The following ARHGAP15 variants were observed in gnomAD, a reference collection of about 807,000 sequenced individuals.
ARHGAP15 encodes rho GTPase-activating protein 15.
A neutral mutation model predicts 63.7 loss-of-function variants in ARHGAP15; 51 were observed. That is an observed-to-expected ratio of 0.80 (90% CI 0.64 to 1.01). The LOEUF (loss-of-function observed/expected upper bound fraction) is 1.01. ARHGAP15 is among the 50% of genes least tolerant of loss of function. The pLI is 0.00. For synonymous variants in ARHGAP15, 191 were observed against 193.8 expected, an observed-to-expected ratio of 0.99 and a Z score of 0.12; for missense variants, 560 against 564.6, an observed-to-expected ratio of 0.99 and a Z score of 0.08.
chr2:143,649,766 C>T (rs1287150043), intron 12 of ARHGAP15, among the ~76,000 whole-genome samples: 1 of 151,936 alleles, frequency 6.6e-6, no homozygotes, highest in East Asian at 1.9e-4. Flanking sequence ...ATTCTGCCTG[C>T]ATGCCAATAC....
At chr2:143,196,924 C>T (rs1443822152) in intron 2 of ARHGAP15, among the ~76,000 whole-genome samples, 1 of 151,836 alleles carries the variant, frequency 6.6e-6, no homozygotes, top group Middle Eastern at 3.2e-3. Context: ...AAAGTTGTAT[C>T]AAGCTACTGC....
At chr2:143,577,314 T>C (rs1172139901) in intron 11 of ARHGAP15, among the ~76,000 whole-genome samples, 1 of 152,144 alleles carries the variant, frequency 6.6e-6, no homozygotes, top group Non-Finnish European at 1.5e-5. Flanking sequence ...CTTTACATAT[T>C]TGATCTTTCA....
intron 11 of ARHGAP15, among the ~76,000 whole-genome samples, chr2:143,596,814 T>G (rs764996933): frequency 6.6e-6 from 1 of 152,146 alleles, no homozygotes; most frequent in Non-Finnish European, 1.5e-5. Flanking sequence ...CTGTTCATTA[T>G]GCAAAAAGTC....
In ARHGAP15 at chr2:143,228,686, T is replaced by C; in HGVS notation, c.384+18T>C. 6.7e-7 allele frequency: 1 copy of C among 1,490,166 alleles called. No individual in the cohort carries two copies. The highest frequency in any genetic ancestry group is 1.3e-5 in the South Asian group (1 of 74,114). 92.3% of individuals were successfully genotyped at this position (1,490,166 alleles called of 1,614,324 possible). A position where few individuals can be genotyped will look rare whatever the true frequency, so the allele number is the denominator to read the frequency against. On this transcript the variant is annotated intron_variant, in intron 5 of 13. Coordinates refer to ENST00000295095, the MANE Select transcript of ARHGAP15 (RefSeq NM_018460.4). ...CCAATATGGTAAGTAATTCTCTGTT[T>C]CTATTGTTAAATATCTTTTCAGAAA...
chr2:143,182,238 A>T (rs1691266559), intron 2 of ARHGAP15, among the ~76,000 whole-genome samples: 1 of 152,100 alleles, frequency 6.6e-6, no homozygotes, highest in East Asian at 1.9e-4. Flanking sequence ...GCTGGAATTA[A>T]GTGAGAGATA....
In ARHGAP15 at chr2:143,346,212, ACTCTCTCT is replaced by A. The variant is rs879897795; in HGVS notation, c.475-89387_475-89380del. Reference sequence around the variant, plus strand: ...CACACACTCTCTCTCTCACACACACACTCTCTCTCACACACACTCTCTCTCACACACAC... The same window carrying A: ...CACACACTCTCTCTCTCACACACACACACACACACTCTCTCTCACACACAC... On this transcript the variant is annotated intron_variant, in intron 6 of 13. Coordinates refer to ENST00000295095, the MANE Select transcript of ARHGAP15 (RefSeq NM_018460.4). Among the ~76,000 whole-genome samples the A allele has an allele frequency of 2.5e-3, 334 of 135,248 alleles. 3 individuals carry two copies. Among genetic ancestry groups the A allele is most frequent in the African/African-American group, 8.8e-3 (318 of 36,268 alleles). The allele number at this position is 135,248 out of a possible 152,430, so 88.7% of individuals were successfully genotyped here.
At chr2:143,241,742 A>G (rs994267589) in intron 5 of ARHGAP15, among the ~76,000 whole-genome samples, 1 of 152,216 alleles carries the variant, frequency 6.6e-6, no homozygotes, top group African/African-American at 2.4e-5. Flanking sequence ...GAGCAGCATC[A>G]GTGGTCTCAA....
intron 6 of ARHGAP15, among the ~76,000 whole-genome samples, chr2:143,251,268 T>C (rs1391793881): frequency 6.6e-6 from 1 of 152,060 alleles, no homozygotes; most frequent in East Asian, 1.9e-4. Context: ...TTTGTTCTAT[T>C]TTATATGAAA....
chr2:143,659,415 T>TA (rs948884547), intron 12 of ARHGAP15, among the ~76,000 whole-genome samples: 11 of 151,948 alleles, frequency 7.2e-5, no homozygotes, highest in African/African-American at 2.7e-4. Flanking sequence ...TAAATTTTTT[T>TA]AAAAAAAATT....
At chr2:143,415,222 T>C (rs942169689) in intron 6 of ARHGAP15, among the ~76,000 whole-genome samples, 2 of 151,948 alleles carry the variant, frequency 1.3e-5, no homozygotes, top group African/African-American at 2.4e-5. Context: ...GAAAAAAAAT[T>C]GATAAAATTG....
chr2:143,625,874 G>T (rs753169912), intron 12 of ARHGAP15, among the ~76,000 whole-genome samples: 1 of 152,108 alleles, frequency 6.6e-6, no homozygotes, highest in East Asian at 1.9e-4. Context: ...AATATACTTC[G>T]GTATGTGCTA....
intron 6 of ARHGAP15, among the ~76,000 whole-genome samples, chr2:143,274,316 A>G (rs568834219): frequency 5.9e-5 from 9 of 152,342 alleles, no homozygotes; most frequent in Admixed American, 6.5e-5. Flanking sequence ...CCACAGAGAA[A>G]AAAAAAATCC....
At chr2:143,142,883 A>G (rs1689428331) in intron 1 of ARHGAP15, among the ~76,000 whole-genome samples, 1 of 152,146 alleles carries the variant, frequency 6.6e-6, no homozygotes, top group Admixed American at 6.6e-5. Flanking sequence ...ATATAAGTAA[A>G]TAAAACAAGA....
chr2:143,435,793 A>G, intron 7 of ARHGAP15, 94 bp downstream of exon 7: 1 of 1,261,346 alleles, frequency 7.9e-7, no homozygotes, highest in South Asian at 1.5e-5. Flanking sequence ...TCATTTAAAT[A>G]GATCCTATGG....
intron 11 of ARHGAP15, among the ~76,000 whole-genome samples, chr2:143,571,020 T>C (rs1696428911): frequency 6.6e-6 from 1 of 152,136 alleles, no homozygotes; most frequent in African/African-American, 2.4e-5. Flanking sequence ...CCACCTCTTG[T>C]CAGATTAGCA....
intron 6 of ARHGAP15, among the ~76,000 whole-genome samples, chr2:143,387,185 A>G (rs1687323177): frequency 6.6e-6 from 1 of 152,188 alleles, no homozygotes; most frequent in East Asian, 1.9e-4. Flanking sequence ...TCCTAGGGAA[A>G]AAAGATGAAA....
At position 143,268,274 on chromosome 2, in the gene ARHGAP15, C is replaced by T. The variant is rs143309451; in HGVS notation, c.474+17674C>T. On this transcript the variant is annotated intron_variant, in intron 6 of 13. Coordinates refer to ENST00000295095, the MANE Select transcript of ARHGAP15 (RefSeq NM_018460.4). ...AACAACAAACAAAAAGGCCCTCAAA[C>T]AACAGTCCCAGTAAACCAAGTTGCA... Among the ~76,000 whole-genome samples, 7 of 151,010 alleles carry T rather than the reference C, an allele frequency of 4.6e-5. No individual in the cohort carries two copies. The East Asian group carries it at 1.4e-3, about 30-fold the overall frequency.
intron 6 of ARHGAP15, among the ~76,000 whole-genome samples, chr2:143,368,783 A>G (rs1686411445): frequency 6.6e-6 from 1 of 152,098 alleles, no homozygotes; most frequent in Non-Finnish European, 1.5e-5. Flanking sequence ...TAGGATTCAA[A>G]GCCACCCACT....
chr2:143,218,319 C>A (rs534395026), intron 4 of ARHGAP15, among the ~76,000 whole-genome samples: 19 of 100,562 alleles, frequency 1.9e-4, no homozygotes, highest in South Asian at 1.5e-3. Flanking sequence ...GTTGTTGTTA[C>A]CCCAGGTGCA....
Sources: allele counts gnomAD v4.1 joint callset (sites outside exome capture counted in the v4.1 genomes callset), GRCh38; gene constraint gnomAD v4.1.1; transcripts MANE v1.5; gene names NCBI Gene and HGNC (gene_info 2026-07-23, HGNC 2026-07-21).